The following CREB1 variants were observed in gnomAD, a reference collection of about 807,000 sequenced individuals.
The protein encoded by CREB1 is cAMP responsive element binding protein 1, also known as cyclic AMP-responsive element-binding protein 1.
In CREB1, 2 loss-of-function variants were observed where a neutral mutation model predicts 42.0. That is an observed-to-expected ratio of 0.05 (90% CI 0.02 to 0.15). CREB1 has a LOEUF of 0.15. CREB1 is among the 10% of genes least tolerant of loss of function. The pLI is 1.00. For missense variants in CREB1, 199 were observed against 388.9 expected (o/e 0.51, Z 4.11); for synonymous variants, 123 against 139.9 (o/e 0.88, Z 0.85).
intron 7 of CREB1, among the ~76,000 whole-genome samples, chr2:207,588,726 T>C (rs2084354265): frequency 1.9e-5 from 1 of 51,372 alleles, no homozygotes; most frequent in South Asian, 1.4e-3. Flanking sequence ...AACTGTTTTC[T>C]GGTTTTTTTT....
intron 5 of CREB1, among the ~76,000 whole-genome samples, chr2:207,573,789 A>T (rs1479245959): frequency 2.0e-5 from 3 of 152,174 alleles, no homozygotes; most frequent in Non-Finnish European, 4.4e-5. Flanking sequence ...ACTACAACCC[A>T]GTCTTGTCAT....
chr2:207,582,534 A>G lies in CREB1; in HGVS notation c.839+4879A>G, dbSNP rs182079179. Among the ~76,000 whole-genome samples the G allele has an allele frequency of 2.6e-4, 40 of 152,254 alleles. No homozygotes were observed. The South Asian group carries it at 7.0e-3, about 27-fold the overall frequency. ...CTAGCTTTGGCTACTGGGATCTTTT[A>G]TAAGTGTCTTCTGTGTCCTTTTGAC... is the stretch of plus-strand genomic sequence containing the variant. On this transcript the variant is annotated intron_variant, in intron 7 of 7. Coordinates refer to ENST00000353267, the MANE Select transcript of CREB1 (RefSeq NM_004379.5).
rs1044811567 is a variant in CREB1, at chr2:207,556,622, C to T, written c.114+873C>T. Among the ~76,000 whole-genome samples, 7 of 152,270 alleles carry T rather than the reference C, an allele frequency of 4.6e-5. No individual in the cohort carries two copies. The East Asian group carries it at 1.3e-3, about 29-fold the overall frequency. Reference sequence around the variant, plus strand: ...TGTGAGCCAGATACTGGATTTCCAGCAAGAATATAGTCAGAAGGAGTGAGC... The same window carrying T: ...TGTGAGCCAGATACTGGATTTCCAGTAAGAATATAGTCAGAAGGAGTGAGC... On this transcript the variant is annotated intron_variant, in intron 2 of 7. Transcript: ENST00000353267.
rs1179108138 is a variant in CREB1 at position 207,576,603 on chromosome 2, G to T, written c.689-902G>T. 5 of 1,039,248 alleles carry T rather than the reference G, an allele frequency of 4.8e-6. No individual in the cohort carries two copies. In the East Asian group the frequency reaches 2.5e-4, roughly 52 times the overall value. The allele number at this position is 1,039,248 out of a possible 1,614,324, so 64.4% of individuals were successfully genotyped here. A position where few individuals can be genotyped will look rare whatever the true frequency, so the allele number is the denominator to read the frequency against. On this transcript the variant is annotated intron_variant, in intron 6 of 7. Coordinates refer to ENST00000353267, the MANE Select transcript of CREB1 (RefSeq NM_004379.5). ...GATACTATTTTGCTTATTGATGAGA[G>T]TAAAACACCTTTTCACTTTACATGC...
intron 1 of CREB1, among the ~76,000 whole-genome samples, chr2:207,546,767 T>G (rs1193322798): frequency 2.0e-5 from 3 of 151,982 alleles, no homozygotes; most frequent in African/African-American, 7.2e-5. Context: ...AATCAAAGCC[T>G]GTACATAAAG....
chr2:207,549,503 G>A (rs914694026), intron 1 of CREB1, among the ~76,000 whole-genome samples: 6 of 152,214 alleles, frequency 3.9e-5, no homozygotes, highest in Admixed American at 3.3e-4. Flanking sequence ...TTCTTGGAAA[G>A]CTAAAATCTA....
chr2:207,569,032 T>C (rs2082249896), intron 4 of CREB1, among the ~76,000 whole-genome samples: 1 of 152,162 alleles, frequency 6.6e-6, no homozygotes, highest in Non-Finnish European at 1.5e-5. Flanking sequence ...AATGAGCAGA[T>C]ACATGTCTGT....
chr2:207,533,256 CCTG>C (rs2106328398), intron 1 of CREB1, among the ~76,000 whole-genome samples: 1 of 152,056 alleles, frequency 6.6e-6, no homozygotes, highest in African/African-American at 2.4e-5. Context: ...AACTTAGACA[CCTG>C]ATCCATAAAA....
At chr2:207,574,285 T>G (rs2082487053) in intron 5 of CREB1, among the ~76,000 whole-genome samples, 1 of 152,346 alleles carries the variant, frequency 6.6e-6, no homozygotes, top group East Asian at 1.9e-4. Flanking sequence ...TCTTACTCAG[T>G]TAAAATCAGT....
At position 207,577,320 on chromosome 2, in the gene CREB1, C is replaced by CAGGGAG. The variant is rs1489254908; in HGVS notation, c.689-184_689-183insGGGAGA. 5 of 1,022,674 alleles carry CAGGGAG rather than the reference C, an allele frequency of 4.9e-6. No individual in the cohort carries two copies. The East Asian group carries it at 1.4e-4, about 29-fold the overall frequency. The allele number at this position is 1,022,674 out of a possible 1,614,324, so 63.3% of individuals were successfully genotyped here. A position where few individuals can be genotyped will look rare whatever the true frequency, so the allele number is the denominator to read the frequency against. On this transcript the variant is annotated intron_variant, in intron 6 of 7. Coordinates refer to ENST00000353267, the MANE Select transcript of CREB1 (RefSeq NM_004379.5). The stretch of plus-strand genomic sequence containing the variant: ...ATAGGTTACTGTAATAAATACATTA[C>CAGGGAG]ATTGGGAATTATTTCTTAGTAGTGG...
At chr2:207,537,376 G>T (rs947557432) in intron 1 of CREB1, among the ~76,000 whole-genome samples, 3 of 152,032 alleles carry the variant, frequency 2.0e-5, no homozygotes, top group Non-Finnish European at 2.9e-5. Flanking sequence ...GGATGGGGGT[G>T]GGGTAGATCA....
intron 7 of CREB1, chr2:207,582,271 T>G (rs1364804214): frequency 7.7e-6 from 5 of 649,830 alleles, no homozygotes; most frequent in African/African-American, 1.8e-5. Context: ...TTCTTTTCTC[T>G]TTAAAGTTTT....
At chr2:207,545,553 G>A (rs988914085) in intron 1 of CREB1, among the ~76,000 whole-genome samples, 3 of 152,020 alleles carry the variant, frequency 2.0e-5, no homozygotes, top group East Asian at 1.9e-4. Flanking sequence ...TAGTCCCATA[G>A]TATGGGACTA....
chr2:207,577,729 C>T, intron 7 of CREB1, 74 bp downstream of exon 7: 1 of 1,543,568 alleles, frequency 6.5e-7, no homozygotes, highest in Non-Finnish European at 8.9e-7. Context: ...TGTATCTTTA[C>T]ATCTACTGGT....
At chr2:207,553,940 C>T (rs1357612850) in intron 1 of CREB1, among the ~76,000 whole-genome samples, 1 of 152,096 alleles carries the variant, frequency 6.6e-6, no homozygotes, top group African/African-American at 2.4e-5. Flanking sequence ...AAATGGGGCT[C>T]TATTTTACAA....
intron 4 of CREB1, 65 bp from the exon 5 acceptor site, chr2:207,570,114 A>AT: frequency 8.1e-7 from 1 of 1,229,962 alleles, no homozygotes; most frequent in South Asian, 1.5e-5. Flanking sequence ...ATCTTTAACT[A>AT]TATTTGTATT....
At chr2:207,534,047 G>A (rs945761559) in intron 1 of CREB1, among the ~76,000 whole-genome samples, 2 of 152,150 alleles carry the variant, frequency 1.3e-5, no homozygotes, top group African/African-American at 4.8e-5. Flanking sequence ...AGTCCCTTAA[G>A]CTTTATTTTA....
chr2:207,542,055 A>G (rs540481164), intron 1 of CREB1, among the ~76,000 whole-genome samples: 1 of 152,284 alleles, frequency 6.6e-6, no homozygotes, highest in Admixed American at 6.5e-5. Context: ...AGTCCATTTT[A>G]TGGATATAGA....
chr2:207,560,352 C>T lies in CREB1; in HGVS notation c.241C>T (p.Pro81Ser). The change falls in exon 3 of 8, where the codon CCA becomes TCA. Residue 81 changes from proline (P) to serine (S), a missense_variant. By Grantham distance (74) the Pro-to-Ser change is moderately conservative. Coordinates refer to ENST00000353267, the MANE Select transcript of CREB1 (RefSeq NM_004379.5). ...GGCCCAGCCATCAGTTATTCAGTCT[C>T]CACAAGTCCAAACAGTTCAGGTATG... is the stretch of plus-strand genomic sequence containing the variant. Reference protein sequence around the residue: ...QAAQPSVIQSPQVQTVQISTI... With the variant: ...QAAQPSVIQSSQVQTVQISTI... The T allele has an allele frequency of 6.2e-7, 1 of 1,613,876 alleles. No individual in the cohort carries two copies. The highest frequency in any genetic ancestry group is 1.3e-5 in the African/African-American group (1 of 75,032).
Sources: allele counts gnomAD v4.1 joint callset (sites outside exome capture counted in the v4.1 genomes callset), GRCh38; gene constraint gnomAD v4.1.1; transcripts MANE v1.5; gene names NCBI Gene and HGNC (gene_info 2026-07-23, HGNC 2026-07-21).